Variants in CRACR2B observed in about 807,000 individuals in gnomAD.
The protein encoded by CRACR2B is EF-hand calcium-binding domain-containing protein 4A.
In CRACR2B, 50 loss-of-function variants were observed where a neutral mutation model predicts 46.0. That is an observed-to-expected ratio of 1.09 (90% CI 0.87 to 1.38). The LOEUF (loss-of-function observed/expected upper bound fraction) is 1.38, where lower values mean the gene tolerates loss of function less well. Ranked by LOEUF, CRACR2B falls within the 40% of genes most tolerant of loss-of-function variation. The pLI is 0.00. For synonymous variants in CRACR2B, 277 were observed against 239.6 expected (o/e 1.16, Z -1.44); for missense variants, 667 against 535.0 (o/e 1.25, Z -2.43).
intron 5 of CRACR2B, 124 bp from the exon 6 acceptor site, chr11:830,497 C>G: frequency 6.5e-7 from 1 of 1,538,276 alleles, no homozygotes; most frequent in Non-Finnish European, 8.7e-7. Flanking sequence ...CGTATCACCC[C>G]CGTCCGGTCT....
chr11:828,044 A>AG lies in CRACR2B; in HGVS notation c.-560dup, dbSNP rs1846042242. 6.6e-6 allele frequency among the ~76,000 whole-genome samples: 1 copy of AG among 151,442 alleles called. No homozygotes were observed. Among genetic ancestry groups the AG allele is most frequent in the Non-Finnish European group, 1.5e-5 (1 of 67,852 alleles). ...TCTGTGGGCTCAGTTGTGGGGAGGGAGGGGCCGGTGGGCAGGAGGGAGAAG... is the reference window on the plus strand; with the variant it reads ...TCTGTGGGCTCAGTTGTGGGGAGGGAGGGGGCCGGTGGGCAGGAGGGAGAAG... On this transcript the variant is annotated 5_prime_UTR_variant, in exon 1 of 9. Coordinates refer to ENST00000525077, the MANE Select transcript of CRACR2B (RefSeq NM_001286606.2).
Position 830,307 on chromosome 11 carries a change from T to G in CRACR2B, c.663T>G (p.Leu221=). The G allele has an allele frequency of 1.3e-6, 2 of 1,534,192 alleles. No individual in the cohort carries two copies. Among genetic ancestry groups the G allele is most frequent in the Non-Finnish European group, 1.7e-6 (2 of 1,143,422 alleles). Residue 221 remains leucine (L), a synonymous_variant, in exon 5 of 9, where the codon CTT becomes CTG. Transcript: ENST00000525077. ...CTCTGTACGAGGAGACGGAGCAGCT[T>G]CGGGAGCAGAGCCGGCGCCCGCCGA... ...VRALYEETEQ[L]REQSRRPPSQ... is the part of the protein sequence containing the mutation.
At position 829,254 on chromosome 11, in the gene CRACR2B, G is replaced by A. The variant is rs112709770; in HGVS notation, c.278-106G>A. On this transcript the variant is annotated intron_variant, in intron 2 of 8. Transcript: ENST00000525077. ...GGACCAGAATAAGGAAGGAAAACAGGAAACTGGGCCCTGAGAGAGGGCAGG... is the reference window on the plus strand; with the variant it reads ...GGACCAGAATAAGGAAGGAAAACAGAAAACTGGGCCCTGAGAGAGGGCAGG... 1.3e-3 allele frequency: 1,996 copies of A among 1,484,674 alleles called. 22 individuals carry two copies. The African/African-American group carries it at 0.026, about 19-fold the overall frequency. 92.0% of individuals were successfully genotyped at this position (1,484,674 alleles called of 1,614,324 possible).
chr11:828,695 A>G lies in CRACR2B; in HGVS notation c.88A>G (p.Ile30Val). Residue 30 changes from isoleucine to valine, a missense_variant, in exon 1 of 9, where the codon ATA (isoleucine) becomes GTA (valine). Transcript: ENST00000525077. ...EGGSAGPRAA[I>V]LEQAEELFLL... Reference sequence around the variant, plus strand: ...GGGCTCTGCAGGGCCGCGGGCTGCAATACTGGAGCAGGCTGAGGAGCTGTT... The same window carrying G: ...GGGCTCTGCAGGGCCGCGGGCTGCAGTACTGGAGCAGGCTGAGGAGCTGTT... 6.2e-7 allele frequency: 1 copy of G among 1,612,398 alleles called. No individual in the cohort carries two copies.
upstream of CRACR2B, chr11:827,732 TGGA>T (rs1181662775): frequency 6.1e-6 from 1 of 164,608 alleles, no homozygotes; most frequent in African/African-American, 2.4e-5. Context: ...GGACGCTGGG[TGGA>T]GAGTGAGGGG....
rs1000059149 is a variant in CRACR2B at position 827,974 on chromosome 11, C to A, written c.-634C>A. ...AATCTGGAAGTGTTCCTGAGTGGGG[C>A]GTCAGAGGCGAAGGGCTCTGCAGGC... On this transcript the variant is annotated 5_prime_UTR_variant, in exon 1 of 9. Coordinates refer to ENST00000525077, the MANE Select transcript of CRACR2B (RefSeq NM_001286606.2). Among the ~76,000 whole-genome samples the A allele has an allele frequency of 6.6e-6, 1 of 152,248 alleles. No individual in the cohort carries two copies. Among genetic ancestry groups the A allele is most frequent in the African/African-American group, 2.4e-5 (1 of 41,536 alleles).
rs781272807 is a variant in CRACR2B at position 829,372 on chromosome 11, G to C, written c.290G>C (p.Gly97Ala). The change falls in exon 3 of 9, where the codon GGG (glycine) becomes GCG (alanine). Residue 97 changes from glycine (G) to alanine (A), a missense_variant. By Grantham distance (60) the Gly-to-Ala change is moderately conservative. Transcript: ENST00000525077. ...EFCLGLGMFV[G>A]VASAQGANPC... ...TCCATGCCCGCAGGGATGTTTGTGG[G>C]GGTGGCGTCAGCCCAGGGAGCGAAC... The C allele has an allele frequency of 1.9e-6, 3 of 1,606,930 alleles. No individual in the cohort carries two copies. Among genetic ancestry groups the C allele is most frequent in the Non-Finnish European group, 2.5e-6 (3 of 1,178,104 alleles).
rs1364287808 is a variant in CRACR2B at position 828,866 on chromosome 11, C to A, written c.180C>A (p.Asp60Glu). The change falls in exon 2 of 9, where the codon GAC becomes GAA. Residue 60 changes from aspartate to glutamate, a missense_variant. Physicochemically the swap from Asp to Glu is conservative, Grantham distance 45. Coordinates refer to ENST00000525077, the MANE Select transcript of CRACR2B (RefSeq NM_001286606.2). ...TCCCCGACCAGGGTCTCCAGAGCGACCTGCCCCTCACGCCAGAGCAGCTGG... is the reference window on the plus strand; with the variant it reads ...TCCCCGACCAGGGTCTCCAGAGCGAACTGCCCCTCACGCCAGAGCAGCTGG... ...TKHDLQGLQS[D>E]LPLTPEQLEA... The A allele has an allele frequency of 6.2e-7, 1 of 1,610,896 alleles. No individual in the cohort carries two copies. Among genetic ancestry groups the A allele is most frequent in the East Asian group, 2.2e-5 (1 of 44,890 alleles).
In CRACR2B at chr11:831,915, C is replaced by G. The variant is rs1846486240; in HGVS notation, c.*206C>G. ...TGTGTGCCCTCTGCCAGTCTTCGCT[C>G]TGTCCCCGTTCAATCAACCCCATCT... On this transcript the variant is annotated 3_prime_UTR_variant, in exon 9 of 9. Coordinates refer to ENST00000525077, the MANE Select transcript of CRACR2B (RefSeq NM_001286606.2). The G allele has an allele frequency of 1.8e-6, 1 of 558,152 alleles. No homozygotes were observed. Among genetic ancestry groups the G allele is most frequent in the South Asian group, 2.7e-5 (1 of 37,276 alleles). The allele number at this position is 558,152 out of a possible 1,614,324, so 34.6% of individuals were successfully genotyped here.
intron 8 of CRACR2B, 32 bp downstream of exon 8, chr11:831,327 G>C: frequency 1.3e-6 from 2 of 1,580,308 alleles, no homozygotes; most frequent in Non-Finnish European, 1.7e-6. Flanking sequence ...AGAGGGAATG[G>C]GCTCAGCGGA....
At position 830,883 on chromosome 11, in the gene CRACR2B, C is replaced by CGCCCAGGCTGCGGAGCACCTGGAG; in HGVS notation, c.807_830dup (p.Ala272_Ala279dup). 6.5e-7 allele frequency: 1 copy of CGCCCAGGCTGCGGAGCACCTGGAG among 1,527,836 alleles called. No homozygotes were observed. Among genetic ancestry groups the CGCCCAGGCTGCGGAGCACCTGGAG allele is most frequent in the Non-Finnish European group, 8.8e-7 (1 of 1,142,582 alleles). The allele number at this position is 1,527,836 out of a possible 1,614,324, so 94.6% of individuals were successfully genotyped here. A position where few individuals can be genotyped will look rare whatever the true frequency, so the allele number is the denominator to read the frequency against. ...CCCTCCAGTTAGAGCAGCAGCTGCA[C>CGCCCAGGCTGCGGAGCACCTGGAG]GCCCAGGCTGCGGAGCACCTGGAGG... On this transcript the variant is annotated inframe_insertion, in exon 7 of 9. Coordinates refer to ENST00000525077, the MANE Select transcript of CRACR2B (RefSeq NM_001286606.2).
rs1217778648 is a variant in CRACR2B, at chr11:828,913, A to G, written c.227A>G (p.Asp76Gly). 3 of 1,608,848 alleles carry G rather than the reference A, an allele frequency of 1.9e-6. No homozygotes were observed. The highest frequency in any genetic ancestry group is 1.7e-5 in the Admixed American group (1 of 59,992). The change falls in exon 2 of 9, where the codon GAC (aspartate) becomes GGC (glycine). Residue 76 changes from aspartate (D) to glycine (G), a missense_variant. Transcript: ENST00000525077. ...CTGGAGGCTGTGTTTGAAAGTCTGG[A>G]CCGGGCTCACACTGGCTTCCTCACC... ...EQLEAVFESL[D>G]RAHTGFLTAR...
At chr11:829,021 C>T (rs773955552) in intron 2 of CRACR2B, 58 bp downstream of exon 2, 32 of 1,588,592 alleles carry the variant, frequency 2.0e-5, no homozygotes, top group Non-Finnish European at 2.6e-5. Flanking sequence ...GATCAGGAGG[C>T]CTGGCACTTG....
In CRACR2B at chr11:828,418, C is replaced by A; in HGVS notation, c.-190C>A. The A allele has an allele frequency of 1.6e-6, 1 of 637,540 alleles. No homozygotes were observed. The highest frequency in any genetic ancestry group is 2.2e-5 in the South Asian group (1 of 46,046). The allele number at this position is 637,540 out of a possible 1,614,324, so 39.5% of individuals were successfully genotyped here. A position where few individuals can be genotyped will look rare whatever the true frequency, so the allele number is the denominator to read the frequency against. ...TCAACCACCCCAGTGACACCCCAAGCCTGCAGCATTTTCCACCCCCAGCCC... is the reference window on the plus strand; with the variant it reads ...TCAACCACCCCAGTGACACCCCAAGACTGCAGCATTTTCCACCCCCAGCCC... On this transcript the variant is annotated 5_prime_UTR_variant, in exon 1 of 9. Transcript: ENST00000525077.
chr11:831,074 G>A, intron 7 of CRACR2B, 42 bp downstream of exon 7: 3 of 1,538,594 alleles, frequency 1.9e-6, no homozygotes, highest in Non-Finnish European at 1.7e-6. Flanking sequence ...TGCGTGTCCC[G>A]GGGGCGGGGC....
Position 830,677 on chromosome 11 carries a change from G to C in CRACR2B, c.750G>C (p.Glu250Asp). The C allele has an allele frequency of 6.5e-7, 1 of 1,545,580 alleles. No homozygotes were observed. The highest frequency in any genetic ancestry group is 8.7e-7 in the Non-Finnish European group (1 of 1,145,806). Residue 250 changes from glutamate to aspartate, a missense_variant, in exon 6 of 9, where the codon GAG becomes GAC. By Grantham distance (45) the Glu-to-Asp change is conservative. Transcript: ENST00000525077. The stretch of plus-strand genomic sequence containing the variant: ...TGGAGCTGGAGCTGCAGAGCCGCGA[G>C]CAGGACCTGGAACGCGCGGGCCTGC... ...SRLELELQSR[E>D]QDLERAGLRQ...
intron 3 of CRACR2B, 199 bp from the exon 4 acceptor site, chr11:829,787 A>C: frequency 8.7e-7 from 1 of 1,148,840 alleles, no homozygotes; most frequent in South Asian, 1.6e-5. Flanking sequence ...ACATACCGGC[A>C]CTGCCCAGGG....
intron 3 of CRACR2B, 198 bp downstream of exon 3, chr11:829,738 A>G: frequency 1.0e-6 from 1 of 993,036 alleles, no homozygotes; most frequent in East Asian, 2.8e-5. Context: ...GGCAGCAGCC[A>G]GGGCTGCAGG....
intron 3 of CRACR2B, chr11:829,761 C>A: frequency 9.7e-7 from 1 of 1,031,674 alleles, no homozygotes; most frequent in Non-Finnish European, 1.4e-6. Context: ...GGAGGGGCAG[C>A]GCCGGGCGCG....
Sources: gnomAD v4.1 joint callset for allele counts (sites outside exome capture counted in the v4.1 genomes callset) on GRCh38, gnomAD v4.1.1 for gene constraint, MANE v1.5 for transcripts, NCBI Gene and HGNC (gene_info 2026-07-23, HGNC 2026-07-21) for gene names.